The following RAB40C variants were observed in gnomAD, a reference collection of about 807,000 sequenced individuals.
RAB40C encodes the protein RAB40C, member RAS oncogene family.
A neutral mutation model predicts 28.1 loss-of-function variants in RAB40C; 8 were observed. The ratio of observed to expected loss-of-function variants is 0.28; its 90% confidence interval spans 0.17 to 0.51. The LOEUF (loss-of-function observed/expected upper bound fraction) is 0.51, where lower values mean the gene tolerates loss of function less well. Ranked by LOEUF, RAB40C falls within the 20% of genes least tolerant of loss-of-function variation. RAB40C has a pLI of 0.97. For missense variants in RAB40C, 288 were observed against 405.9 expected (o/e 0.71, Z 2.50); for synonymous variants, 201 against 171.7 (o/e 1.17, Z -1.34).
rs1472621894 is a variant in RAB40C at position 628,275 on chromosome 16, TTTG to T, written c.*657_*659del. 6.6e-6 allele frequency: 1 copy of T among 152,222 alleles called. No homozygotes were observed. Among genetic ancestry groups the T allele is most frequent in the Non-Finnish European group, 1.5e-5 (1 of 68,102 alleles). 9.4% of individuals were successfully genotyped at this position (152,222 alleles called of 1,614,324 possible). A position where few individuals can be genotyped will look rare whatever the true frequency, so the allele number is the denominator to read the frequency against. On this transcript the variant is annotated 3_prime_UTR_variant, in exon 6 of 6. Transcript: ENST00000248139. Reference sequence around the variant, plus strand: ...GGAGGTGCACCTGGCAGCCCACATTTTTGTTGCTCCCCAAATCCCTCCCCACGT... The same window carrying T: ...GGAGGTGCACCTGGCAGCCCACATTTTTGCTCCCCAAATCCCTCCCCACGT...
chr16:619,201 C>T (rs548816160), intron 3 of RAB40C, among the ~76,000 whole-genome samples: 107 of 143,852 alleles, frequency 7.4e-4, no homozygotes, highest in Non-Finnish European at 1.3e-3. Flanking sequence ...GCACTCAGGG[C>T]CATGTGTGTG....
intron 1 of RAB40C, among the ~76,000 whole-genome samples, chr16:600,282 C>T (rs1037824942): frequency 2.0e-5 from 3 of 152,214 alleles, no homozygotes; most frequent in African/African-American, 7.2e-5. Flanking sequence ...CCTGTGTCCT[C>T]CTGGTGGGGA....
At chr16:623,886 C>G (rs770692706) in intron 3 of RAB40C, 1 of 888,244 alleles carries the variant, frequency 1.1e-6, no homozygotes, top group African/African-American at 1.8e-5. Context: ...GAGCCATGAT[C>G]GTGCCACTGC....
chr16:619,397 G>A lies in RAB40C; in HGVS notation c.264+1137G>A, dbSNP rs950732098. On this transcript the variant is annotated intron_variant, in intron 3 of 5. Coordinates refer to ENST00000248139, the MANE Select transcript of RAB40C (RefSeq NM_021168.5). ...GGCCATGTGTGCAGTGTGTGTGCAG[G>A]TATGGTGGGTGCGCTTGGCCACCCT... Among the ~76,000 whole-genome samples, 19 of 152,240 alleles carry A rather than the reference G, an allele frequency of 1.2e-4. 1 individual carries two copies. Among genetic ancestry groups the A allele is most frequent in the Middle Eastern group, 3.4e-3 (1 of 294 alleles).
chr16:626,215 G>A, intron 5 of RAB40C, 94 bp downstream of exon 5: 1 of 1,292,396 alleles, frequency 7.7e-7, no homozygotes, highest in Non-Finnish European at 1.1e-6. Context: ...CAGTGAGGGA[G>A]GTTCAGGCAG....
chr16:605,835 T>TG (rs777748966), intron 1 of RAB40C, among the ~76,000 whole-genome samples: 6 of 152,180 alleles, frequency 3.9e-5, no homozygotes, highest in Non-Finnish European at 8.8e-5. Flanking sequence ...GTAGGGCCTG[T>TG]GTAGATGCTG....
Position 590,349 on chromosome 16 carries a change from G to T in RAB40C, c.58G>T (p.Val20Leu), listed in dbSNP as rs765624453. ...SYDYLLKFLL[V>L]GDSDVGKGEI... is the part of the protein sequence containing the mutation. ...CGACTACCTGCTCAAGTTCCTGCTG[G>T]TGGGCGACAGCGACGTGGGCAAGGG... Residue 20 changes from valine (V) to leucine (L), a missense_variant, in exon 1 of 6, where the codon GTG becomes TTG. Around this residue, in one of 3 missense-constraint regions of RAB40C, gnomAD observed 78 missense variants for 88.2 expected, o/e 0.88. Transcript: ENST00000248139. 1 of 1,597,200 alleles carries T rather than the reference G, an allele frequency of 6.3e-7. No homozygotes were observed. The highest frequency in any genetic ancestry group is 1.7e-5 in the Admixed American group (1 of 58,862).
At chr16:590,630 A>G (rs2035972259) in intron 1 of RAB40C, among the ~76,000 whole-genome samples, 197 bp downstream of exon 1, 1 of 152,178 alleles carries the variant, frequency 6.6e-6, no homozygotes, top group Admixed American at 6.5e-5. Context: ...GGGGGGCAGG[A>G]GGACGGACCA....
rs186528746 is a variant in RAB40C, at chr16:595,084, G to A, written c.142+4651G>A. On this transcript the variant is annotated intron_variant, in intron 1 of 5. Coordinates refer to ENST00000248139, the MANE Select transcript of RAB40C (RefSeq NM_021168.5). ...TCCACCTGCCTCGGGGGTTTTGCTCGTTTTCTGGGGCAGTGTTTTGGGGTT... is the reference window on the plus strand; with the variant it reads ...TCCACCTGCCTCGGGGGTTTTGCTCATTTTCTGGGGCAGTGTTTTGGGGTT... Among the ~76,000 whole-genome samples, 218 of 152,246 alleles carry A rather than the reference G, an allele frequency of 1.4e-3. 2 individuals carry two copies. The South Asian group carries it at 0.017, about 12-fold the overall frequency.
At chr16:623,508 G>T (rs2036765375) in intron 3 of RAB40C, among the ~76,000 whole-genome samples, 1 of 152,028 alleles carries the variant, frequency 6.6e-6, no homozygotes, top group East Asian at 1.9e-4. Context: ...AAAAAAATTA[G>T]CCGGGCATGG....
At position 629,047 on chromosome 16, in the gene RAB40C, G is replaced by C. The variant is rs1050453247; in HGVS notation, c.*1425G>C. Reference sequence around the variant, plus strand: ...AGGCGGCCCTGCCACAGCCCCCAAAGACACTGGCCTCCTGCTCCAGCTTCC... The same window carrying C: ...AGGCGGCCCTGCCACAGCCCCCAAACACACTGGCCTCCTGCTCCAGCTTCC... On this transcript the variant is annotated 3_prime_UTR_variant, in exon 6 of 6. Transcript: ENST00000248139. 3 of 155,928 alleles carry C rather than the reference G, an allele frequency of 1.9e-5. No homozygotes were observed. Among genetic ancestry groups the C allele is most frequent in the African/African-American group, 7.2e-5 (3 of 41,534 alleles). The allele number at this position is 155,928 out of a possible 1,614,324, so 9.7% of individuals were successfully genotyped here. A position where few individuals can be genotyped will look rare whatever the true frequency, so the allele number is the denominator to read the frequency against.
intron 4 of RAB40C, 21 bp downstream of exon 4, chr16:625,530 C>A (rs377013188): frequency 6.2e-7 from 1 of 1,610,464 alleles, no homozygotes; most frequent in Non-Finnish European, 8.5e-7. Flanking sequence ...GTCCGGGGAG[C>A]CCTCCCGGGG....
At chr16:627,248 G>T in intron 5 of RAB40C, 94 bp from the exon 6 acceptor site, 1 of 1,282,360 alleles carries the variant, frequency 7.8e-7, no homozygotes, top group South Asian at 1.4e-5. Context: ...GGAGTGTGGA[G>T]ACCCCGCCAG....
chr16:622,695 G>A lies in RAB40C; in HGVS notation c.265-2737G>A, dbSNP rs565225604. Among the ~76,000 whole-genome samples, 21 of 152,252 alleles carry A rather than the reference G, an allele frequency of 1.4e-4. 1 individual carries two copies. In the East Asian group the frequency reaches 3.1e-3, roughly 22 times the overall value. ...TAATTTTTGTATTTTTAGTAGAGACGGGGTTTCACCATGTTGGCCAGGATG... is the reference window on the plus strand; with the variant it reads ...TAATTTTTGTATTTTTAGTAGAGACAGGGTTTCACCATGTTGGCCAGGATG... On this transcript the variant is annotated intron_variant, in intron 3 of 5. Transcript: ENST00000248139.
intron 3 of RAB40C, 151 bp downstream of exon 3, chr16:618,411 A>G (rs1567192516): frequency 9.5e-6 from 8 of 840,284 alleles, no homozygotes; most frequent in Non-Finnish European, 1.4e-5. Context: ...TTGTTTTGAG[A>G]CAGAGACTCA....
intron 3 of RAB40C, among the ~76,000 whole-genome samples, chr16:619,418 A>G (rs963532335): frequency 1.2e-4 from 19 of 152,058 alleles, no homozygotes; most frequent in African/African-American, 3.4e-4. Context: ...GCGCTTGGCC[A>G]CCCTCGTTTC....
intron 3 of RAB40C, among the ~76,000 whole-genome samples, chr16:619,235 C>T (rs1436848335): frequency 6.8e-6 from 1 of 147,194 alleles, no homozygotes; most frequent in East Asian, 2.0e-4. Flanking sequence ...ACAGGTCTGG[C>T]GGGGGCACTG....
chr16:627,211 C>T lies in RAB40C; in HGVS notation c.566-131C>T. On this transcript the variant is annotated intron_variant, in intron 5 of 5. Coordinates refer to ENST00000248139, the MANE Select transcript of RAB40C (RefSeq NM_021168.5). ...GAGAAGTTTGGGCGTCCAGGTCCTC[C>T]AGGAGCCCAGCCTGGGAACACCTCT... 6.7e-6 allele frequency: 6 copies of T among 894,600 alleles called. No individual in the cohort carries two copies. In the South Asian group the frequency reaches 1.0e-4, roughly 15 times the overall value. 55.4% of individuals were successfully genotyped at this position (894,600 alleles called of 1,614,324 possible). A position where few individuals can be genotyped will look rare whatever the true frequency, so the allele number is the denominator to read the frequency against.
intron 3 of RAB40C, chr16:624,005 C>T: frequency 1.0e-6 from 1 of 985,438 alleles, no homozygotes; most frequent in Non-Finnish European, 1.2e-6. Context: ...GCACATCTCT[C>T]CTTGGCCAGC....
Sources: allele counts gnomAD v4.1 joint callset (sites outside exome capture counted in the v4.1 genomes callset), GRCh38; gene constraint gnomAD v4.1.1; regional missense constraint gnomAD v4.1.1; transcripts MANE v1.5; gene names NCBI Gene and HGNC (gene_info 2026-07-23, HGNC 2026-07-21).